The following SUMF1 variants were observed in gnomAD, a reference collection of about 807,000 sequenced individuals.
The protein encoded by SUMF1 is sulfatase modifying factor 1.
A neutral mutation model predicts 47.6 loss-of-function variants in SUMF1; 48 were observed. The observed-to-expected ratio is 1.01, with a 90% confidence interval of 0.80 to 1.28. SUMF1 has a LOEUF of 1.28. Among genes scored for constraint, SUMF1 ranks in the 50% most tolerant of loss-of-function variants. SUMF1 has a pLI of 0.00. For missense variants in SUMF1, 571 were observed against 485.4 expected, an observed-to-expected ratio of 1.18 and a Z score of -1.66; for synonymous variants, 230 against 192.1, an observed-to-expected ratio of 1.20 and a Z score of -1.63.
At chr3:4,128,579 A>C (rs1468360528) in intron 8 of SUMF1, among the ~76,000 whole-genome samples, 1 of 152,166 alleles carries the variant, frequency 6.6e-6, no homozygotes, top group African/African-American at 2.4e-5. Flanking sequence ...CATCCACAAC[A>C]GCCCTGTTTG....
chr3:4,201,235 T>C (rs1337777473), intron 8 of SUMF1, among the ~76,000 whole-genome samples: 1 of 152,116 alleles, frequency 6.6e-6, no homozygotes, highest in Non-Finnish European at 1.5e-5. Flanking sequence ...ATCTTATTTA[T>C]TCTATATAAC....
intron 8 of SUMF1, among the ~76,000 whole-genome samples, chr3:4,271,985 G>T (rs1287297248): frequency 6.6e-6 from 1 of 152,120 alleles, no homozygotes; most frequent in South Asian, 2.1e-4. Flanking sequence ...AAAGTGCTGG[G>T]AATCTCTGTC....
At chr3:4,360,259 G>C (rs1054883069), downstream of SUMF1, among the ~76,000 whole-genome samples, 3 of 132,326 alleles carry the variant, frequency 2.3e-5, no homozygotes, top group African/African-American at 9.0e-5. Flanking sequence ...GAAGTTTGTA[G>C]AGAAACATTT....
intron 7 of SUMF1, 31 bp from the exon 8 acceptor site, chr3:4,376,420 C>T: frequency 6.2e-7 from 1 of 1,612,076 alleles, no homozygotes; most frequent in Non-Finnish European, 8.5e-7. Flanking sequence ...CTATGTTAGA[C>T]CAGAAGGCAA....
In SUMF1 at chr3:4,102,921, T is replaced by C. The variant is rs530943337; in HGVS notation, c.1015-34176A>G. On this transcript the variant is annotated intron_variant and NMD_transcript_variant, in intron 8 of 12. Coordinates refer to the SUMF1 transcript ENST00000448413. ...AAAAATGGATAGATGAACAGAAACTTCTTTTTTTTTTTTTAATTTGAGATG... is the reference window on the plus strand; with the variant it reads ...AAAAATGGATAGATGAACAGAAACTCCTTTTTTTTTTTTTAATTTGAGATG... 2.8e-5 allele frequency among the ~76,000 whole-genome samples: 4 copies of C among 145,100 alleles called. No homozygotes were observed. In the East Asian group the frequency reaches 8.2e-4, roughly 30 times the overall value.
At chr3:4,210,647 G>A (rs146623725) in intron 8 of SUMF1, among the ~76,000 whole-genome samples, 3 of 152,168 alleles carry the variant, frequency 2.0e-5, no homozygotes, top group Non-Finnish European at 2.9e-5. Flanking sequence ...AGGGGTATAT[G>A]TGCATGTTTT....
intron 8 of SUMF1, among the ~76,000 whole-genome samples, chr3:4,205,366 C>A (rs941910569): frequency 6.6e-6 from 1 of 152,200 alleles, no homozygotes; most frequent in African/African-American, 2.4e-5. Context: ...CTCAGCCCGC[C>A]TGCACCCAGG....
At chr3:4,463,367 G>A (rs542111778) in intron 1 of SUMF1, among the ~76,000 whole-genome samples, 1 of 152,344 alleles carries the variant, frequency 6.6e-6, no homozygotes, top group East Asian at 1.9e-4. Flanking sequence ...GCAGGTGCCT[G>A]TAGTCCCAGC....
chr3:4,195,833 A>C (rs1378254784), intron 8 of SUMF1, among the ~76,000 whole-genome samples: 1 of 152,094 alleles, frequency 6.6e-6, no homozygotes, highest in Non-Finnish European at 1.5e-5. Context: ...TAAACTAAGA[A>C]TCCTATAGCT....
At chr3:4,287,457 T>C (rs543906377) in intron 8 of SUMF1, among the ~76,000 whole-genome samples, 1 of 152,308 alleles carries the variant, frequency 6.6e-6, no homozygotes, top group Non-Finnish European at 1.5e-5. Context: ...ATGTGTGTGC[T>C]TGTTGGTCAC....
At chr3:4,353,499 A>G (rs1024715772) in intron 8 of SUMF1, among the ~76,000 whole-genome samples, 19 of 152,122 alleles carry the variant, frequency 1.2e-4, no homozygotes, top group South Asian at 4.1e-4. Context: ...TGATCCGCCC[A>G]CCTCGGCCTC....
intron 8 of SUMF1, among the ~76,000 whole-genome samples, chr3:4,162,175 A>G (rs1574939398): frequency 6.6e-6 from 1 of 152,064 alleles, no homozygotes; most frequent in Admixed American, 6.5e-5. Flanking sequence ...CTGAGCTGAT[A>G]TCCAAGTTGC....
At chr3:4,141,802 G>T (rs971193270) in intron 8 of SUMF1, among the ~76,000 whole-genome samples, 2 of 152,142 alleles carry the variant, frequency 1.3e-5, no homozygotes, top group African/African-American at 4.8e-5. Context: ...TAATCATCCA[G>T]CCTGGGGCAA....
At chr3:4,049,795 A>G (rs1360648737) in intron 9 of SUMF1, among the ~76,000 whole-genome samples, 2 of 152,054 alleles carry the variant, frequency 1.3e-5, no homozygotes, top group Non-Finnish European at 2.9e-5. Context: ...TTCTGTACCC[A>G]AGCTCTCGTC....
intron 8 of SUMF1, among the ~76,000 whole-genome samples, chr3:4,260,040 GT>G (rs1697051719): frequency 6.6e-6 from 1 of 151,120 alleles, no homozygotes; most frequent in African/African-American, 2.4e-5. Flanking sequence ...AAAAAAAAGA[GT>G]AATGATCTAG....
chr3:4,074,109 T>A (rs1692356532), intron 8 of SUMF1, among the ~76,000 whole-genome samples: 1 of 152,044 alleles, frequency 6.6e-6, no homozygotes, highest in South Asian at 2.1e-4. Context: ...CCTCAGCAAA[T>A]GTAAAAGAAC....
rs762101659 is a variant in SUMF1 at position 4,462,560 on chromosome 3, C to A, written c.270+4416G>T. ...GTCTTGTCTTTTTTTCACTTGCTAC[C>A]GTAAGATTTTTGTCTTGTACACAAA... On this transcript the variant is annotated intron_variant, in intron 1 of 8. Coordinates refer to ENST00000272902, the MANE Select transcript of SUMF1 (RefSeq NM_182760.4). Among the ~76,000 whole-genome samples, 3 of 152,106 alleles carry A rather than the reference C, an allele frequency of 2.0e-5. No individual in the cohort carries two copies. The East Asian group carries it at 5.8e-4, about 29-fold the overall frequency.
intron 7 of SUMF1, among the ~76,000 whole-genome samples, chr3:4,384,431 C>T (rs1238169238): frequency 6.6e-6 from 1 of 152,210 alleles, no homozygotes; most frequent in African/African-American, 2.4e-5. Flanking sequence ...ATTTCCATCA[C>T]AAGGATCCCT....
intron 8 of SUMF1, chr3:4,317,365 T>C: frequency 1.4e-6 from 1 of 713,394 alleles, no homozygotes; most frequent in African/African-American, 1.8e-5. Context: ...GCATTTGAAG[T>C]AGATTCCACG....
Sources: allele counts gnomAD v4.1 joint callset (sites outside exome capture counted in the v4.1 genomes callset), GRCh38; gene constraint gnomAD v4.1.1; transcripts MANE v1.5; gene names NCBI Gene and HGNC (gene_info 2026-07-23, HGNC 2026-07-21).